Variants in AIG1 observed in about 807,000 individuals in gnomAD.
The protein encoded by AIG1 is androgen induced 1.
Under a neutral mutation model 31.4 loss-of-function variants are expected in AIG1, and 23 were observed. That is an observed-to-expected ratio of 0.73 (90% CI 0.53 to 1.04). The LOEUF is 1.04. Ranked by LOEUF, AIG1 falls within the 50% of genes least tolerant of loss-of-function variation. AIG1 has a pLI of 0.00. For missense variants in AIG1, 274 were observed against 295.0 expected (o/e 0.93, Z 0.52); for synonymous variants, 100 against 110.5 (o/e 0.90, Z 0.60).
intron 3 of AIG1, chr6:143,188,256 A>G (rs1180215128): frequency 6.1e-6 from 6 of 987,534 alleles, no homozygotes; most frequent in African/African-American, 1.7e-5. Flanking sequence ...AGGCACACTC[A>G]TAGAGTAAAC....
chr6:143,061,789 A>G (rs1284262709), intron 1 of AIG1, among the ~76,000 whole-genome samples: 1 of 152,180 alleles, frequency 6.6e-6, no homozygotes, highest in Admixed American at 6.5e-5. Flanking sequence ...GGTGCAGGTT[A>G]TTATTAGTAT....
intron 3 of AIG1, among the ~76,000 whole-genome samples, chr6:143,183,554 C>T (rs572284749): frequency 4.6e-5 from 7 of 152,232 alleles, no homozygotes; most frequent in African/African-American, 1.7e-4. Flanking sequence ...AACTAATTTG[C>T]CATGCTAGGG....
At chr6:143,085,383 T>TA (rs1778669441) in intron 1 of AIG1, among the ~76,000 whole-genome samples, 1 of 152,188 alleles carries the variant, frequency 6.6e-6, no homozygotes, top group Non-Finnish European at 1.5e-5. Context: ...TTGGATTCGT[T>TA]ACGCTCACCG....
intron 4 of AIG1, among the ~76,000 whole-genome samples, chr6:143,302,729 G>A (rs961357053): frequency 2.6e-5 from 4 of 152,064 alleles, no homozygotes; most frequent in Non-Finnish European, 4.4e-5. Flanking sequence ...TAGTCCTTTG[G>A]GTATATATCC....
rs115894952 is a variant in AIG1, at chr6:143,294,974, G to A, written c.515+10749G>A. Among the ~76,000 whole-genome samples the A allele has an allele frequency of 7.1e-3, 1,075 of 151,972 alleles. 12 individuals are homozygous for A. The highest frequency in any genetic ancestry group is 0.025 in the African/African-American group (1,021 of 41,422). On this transcript the variant is annotated intron_variant, in intron 4 of 5. Transcript: ENST00000357847. ...CATGTGTTTGCAATGCCTCCATTTCGGAACTCCATCCCATACCTCTCTCCT... is the reference window on the plus strand; with the variant it reads ...CATGTGTTTGCAATGCCTCCATTTCAGAACTCCATCCCATACCTCTCTCCT...
intron 4 of AIG1, among the ~76,000 whole-genome samples, chr6:143,319,828 T>C (rs1776060303): frequency 6.6e-6 from 1 of 152,002 alleles, no homozygotes; most frequent in Non-Finnish European, 1.5e-5. Flanking sequence ...TTATGAACGA[T>C]TATATGCCAA....
intron 1 of AIG1, among the ~76,000 whole-genome samples, chr6:143,096,080 G>C (rs1779759501): frequency 6.6e-6 from 1 of 151,500 alleles, no homozygotes; most frequent in Non-Finnish European, 1.5e-5. Flanking sequence ...GTAATTTTTT[G>C]TATTTTTAGT....
chr6:143,289,734 C>G (rs1178852089), intron 4 of AIG1, among the ~76,000 whole-genome samples: 1 of 151,982 alleles, frequency 6.6e-6, no homozygotes, highest in African/African-American at 2.4e-5. Context: ...TATTTACATA[C>G]AGTATTTGTA....
chr6:143,231,754 A>C (rs1239858358), intron 3 of AIG1, among the ~76,000 whole-genome samples: 7 of 152,236 alleles, frequency 4.6e-5, no homozygotes, highest in Admixed American at 1.3e-4. Flanking sequence ...AAATCTTCAA[A>C]ATCTGGCATT....
intron 2 of AIG1, among the ~76,000 whole-genome samples, chr6:143,141,136 C>T (rs1184960346): frequency 6.6e-6 from 1 of 152,194 alleles, no homozygotes; most frequent in African/African-American, 2.4e-5. Flanking sequence ...GAATGCATTA[C>T]CTCTGTACAG....
intron 3 of AIG1, among the ~76,000 whole-genome samples, chr6:143,274,602 C>T (rs1796762780): frequency 6.6e-6 from 1 of 152,170 alleles, no homozygotes; most frequent in African/African-American, 2.4e-5. Flanking sequence ...CTAATTGAGA[C>T]ATGTTTCCCA....
At chr6:143,187,448 G>T (rs1182693818) in intron 3 of AIG1, 2 of 1,535,320 alleles carry the variant, frequency 1.3e-6, no homozygotes, top group Non-Finnish European at 1.7e-6. Flanking sequence ...TGATCAGCTT[G>T]GTTGAAGTTT....
At chr6:143,210,197 A>G (rs1348619419) in intron 3 of AIG1, among the ~76,000 whole-genome samples, 1 of 152,224 alleles carries the variant, frequency 6.6e-6, no homozygotes, top group Non-Finnish European at 1.5e-5. Context: ...GAAGAAGGAC[A>G]TGTTTGCTTC....
chr6:143,129,719 A>C (rs1166082484), intron 1 of AIG1, among the ~76,000 whole-genome samples: 1 of 151,838 alleles, frequency 6.6e-6, no homozygotes, highest in Non-Finnish European at 1.5e-5. Flanking sequence ...TTAAGTCTTT[A>C]TAAAAGCAAC....
rs146014731 is a variant in AIG1 at position 143,326,018 on chromosome 6, C to A, written c.516-7264C>A. On this transcript the variant is annotated intron_variant, in intron 4 of 5. Coordinates refer to ENST00000357847, the MANE Select transcript of AIG1 (RefSeq NM_016108.4). This position sits in a 1 kb window ranked among gnomAD's most constrained non-coding sequence, Gnocchi z 4.5. ...AGCTCTCATGACAATCTCCAGCACG[C>A]CACACTCATGACTCAACAGTTTGAT... is the stretch of plus-strand genomic sequence containing the variant. Among the ~76,000 whole-genome samples, 4 of 152,276 alleles carry A rather than the reference C, an allele frequency of 2.6e-5. No homozygotes were observed. Among genetic ancestry groups the A allele is most frequent in the Middle Eastern group, 3.4e-3 (1 of 294 alleles).
At chr6:143,248,598 G>A (rs939773191) in intron 3 of AIG1, among the ~76,000 whole-genome samples, 52 of 152,292 alleles carry the variant, frequency 3.4e-4, no homozygotes, top group Middle Eastern at 3.4e-3. Context: ...AAAGGGGCGG[G>A]CATCTCCCAC....
At chr6:143,094,627 A>G (rs540202308) in intron 1 of AIG1, among the ~76,000 whole-genome samples, 2 of 152,298 alleles carry the variant, frequency 1.3e-5, no homozygotes, top group African/African-American at 4.8e-5. Flanking sequence ...TCAACCATAG[A>G]TCTGGGACTA....
chr6:143,113,283 C>T (rs1781446715), intron 1 of AIG1, among the ~76,000 whole-genome samples: 1 of 151,816 alleles, frequency 6.6e-6, no homozygotes, highest in Non-Finnish European at 1.5e-5. Flanking sequence ...ATTCATTCTA[C>T]TTTTTCAGAT....
At chr6:143,220,086 C>T (rs1410049057) in intron 3 of AIG1, among the ~76,000 whole-genome samples, 2 of 152,128 alleles carry the variant, frequency 1.3e-5, no homozygotes, top group Non-Finnish European at 2.9e-5. Context: ...ACCAATCTAG[C>T]TTAGGGGGCA....
Sources: allele counts gnomAD v4.1 joint callset (sites outside exome capture counted in the v4.1 genomes callset), GRCh38; gene constraint gnomAD v4.1.1; non-coding constraint Gnocchi (gnomAD v3.1); transcripts MANE v1.5; gene names NCBI Gene and HGNC (gene_info 2026-07-23, HGNC 2026-07-21).